Variants in GEMIN2 observed in about 807,000 individuals in gnomAD.
GEMIN2 encodes gem nuclear organelle associated protein 2.
GEMIN2 carries 37 observed loss-of-function variants against 45.8 expected under a neutral mutation model. The ratio of observed to expected loss-of-function variants is 0.81; its 90% CI spans 0.62 to 1.06. The LOEUF is 1.06. Among genes scored for constraint, GEMIN2 ranks in the 50% least tolerant of loss-of-function variants. The pLI, the probability that GEMIN2 is intolerant of heterozygous loss-of-function variation, is 0.00. For synonymous variants in GEMIN2, 101 were observed against 111.5 expected, an observed-to-expected ratio of 0.91 and a Z score of 0.60; for missense variants, 335 against 321.8, an observed-to-expected ratio of 1.04 and a Z score of -0.31.
At chr14:39,117,962 T>C in intron 2 of GEMIN2, 37 bp from the exon 3 acceptor site, 1 of 1,068,320 alleles carries the variant, frequency 9.4e-7, no homozygotes, top group Non-Finnish European at 1.4e-6. Flanking sequence ...GTTTTGACAC[T>C]AATGTTGATC....
At chr14:39,133,253 TAATA>T (rs897485355) in intron 8 of GEMIN2, among the ~76,000 whole-genome samples, 5 of 146,340 alleles carry the variant, frequency 3.4e-5, no homozygotes, top group Non-Finnish European at 6.0e-5. Flanking sequence ...ATATGTATAT[TAATA>T]TATATTTATT....
rs17108841 is a variant in GEMIN2 at position 39,133,451 on chromosome 14, A to C, written c.712-210A>C. ...TCTTTATTTTTTTTTCCCTATTCAG[A>C]ATCTTTATTTAAAAGATAGTCTTAG... On this transcript the variant is annotated intron_variant, in intron 8 of 9. Transcript: ENST00000308317. 0.015 allele frequency among the ~76,000 whole-genome samples: 2,220 copies of C among 150,588 alleles called. 57 individuals are homozygous for C. The highest frequency in any genetic ancestry group is 0.051 in the African/African-American group (2,094 of 41,164).
intron 3 of GEMIN2, 98 bp from the exon 4 acceptor site, chr14:39,118,442 T>A: frequency 1.4e-6 from 1 of 710,274 alleles, no homozygotes; most frequent in Admixed American, 2.0e-5. Context: ...CCTTTCCCAT[T>A]TTTCAAGTTT....
intron 5 of GEMIN2, among the ~76,000 whole-genome samples, chr14:39,123,700 A>AT (rs2052603954): frequency 2.3e-5 from 1 of 43,788 alleles, no homozygotes; most frequent in Non-Finnish European, 4.7e-5. Context: ...ATATATATAT[A>AT]TATATATATT....
chr14:39,132,765 G>A (rs1169951862), intron 8 of GEMIN2, among the ~76,000 whole-genome samples: 4 of 135,564 alleles, frequency 3.0e-5, no homozygotes, highest in Middle Eastern at 4.7e-3. Flanking sequence ...TGCAACCTCC[G>A]CTTCCCAGGT....
intron 7 of GEMIN2, among the ~76,000 whole-genome samples, chr14:39,129,415 AT>A: frequency 6.6e-6 from 1 of 151,786 alleles, no homozygotes; most frequent in African/African-American, 2.4e-5. Context: ...TTTATTTTTT[AT>A]TTATTTGTTT....
intron 3 of GEMIN2, 114 bp downstream of exon 3, chr14:39,118,202 A>G (rs745705451): frequency 5.9e-6 from 3 of 508,596 alleles, no homozygotes; most frequent in Non-Finnish European, 1.0e-5. Context: ...TCATGAATTA[A>G]TTACCAAATT....
Position 39,114,395 on chromosome 14 carries a change from G to T in GEMIN2, c.57G>T (p.Pro19=), listed in dbSNP as rs145062289. 3 of 1,613,900 alleles carry T rather than the reference G, an allele frequency of 1.9e-6. No individual in the cohort carries two copies. The highest frequency in any genetic ancestry group is 1.7e-5 in the Admixed American group (1 of 60,018). ...AAGAGTTGATGCCTCGGCTATTGCCGGTAGAGCCTTGCGACTTGACGGAAG... is the reference window on the plus strand; with the variant it reads ...AAGAGTTGATGCCTCGGCTATTGCCTGTAGAGCCTTGCGACTTGACGGAAG... ...AVEELMPRLL[P]VEPCDLTEGF... is the part of the protein sequence containing the mutation. Residue 19 remains proline (P), a synonymous_variant, in exon 1 of 10, where the codon CCG becomes CCT. Coordinates refer to ENST00000308317, the MANE Select transcript of GEMIN2 (RefSeq NM_003616.3).
intron 7 of GEMIN2, 181 bp from the exon 8 acceptor site, chr14:39,131,777 G>A: frequency 2.0e-6 from 1 of 501,440 alleles, no homozygotes; most frequent in Admixed American, 3.7e-5. Flanking sequence ...GTAATTATAG[G>A]ATACAAGAGA....
chr14:39,128,227 T>C, intron 6 of GEMIN2, 53 bp from the exon 7 acceptor site: 2 of 969,874 alleles, frequency 2.1e-6, no homozygotes, highest in Non-Finnish European at 3.2e-6. Flanking sequence ...TCATGTTGAA[T>C]TCATGTTTTA....
intron 9 of GEMIN2, 69 bp from the exon 10 acceptor site, chr14:39,136,371 C>T (rs1419096060): frequency 1.2e-6 from 1 of 820,066 alleles, no homozygotes; most frequent in East Asian, 2.5e-5. Flanking sequence ...TGCTTATGGT[C>T]TTTGGCTATT....
rs2052675889 is a variant in GEMIN2 at position 39,128,493 on chromosome 14, T to C, written c.600+145T>C. 4 of 473,518 alleles carry C rather than the reference T, an allele frequency of 8.4e-6. No individual in the cohort carries two copies. In the East Asian group the frequency reaches 1.1e-4, roughly 13 times the overall value. 29.3% of individuals were successfully genotyped at this position (473,518 alleles called of 1,614,324 possible). A position where few individuals can be genotyped will look rare whatever the true frequency, so the allele number is the denominator to read the frequency against. ...TTTTCTTTTTTTCTTTTCTTTTTTT[T>C]TTTTTTTTTTTTTTTGAGACAAGGT... On this transcript the variant is annotated intron_variant, in intron 7 of 9. Transcript: ENST00000308317.
intron 9 of GEMIN2, among the ~76,000 whole-genome samples, chr14:39,135,124 TCTGA>T (rs144203410): frequency 0.062 from 9,484 of 152,264 alleles, 533 homozygotes; most frequent in East Asian, 0.31. Context: ...AAGTATAGTT[TCTGA>T]CTGCCTCAGT....
At chr14:39,127,333 A>ATTTT (rs2052656373) in intron 6 of GEMIN2, among the ~76,000 whole-genome samples, 1 of 81,918 alleles carries the variant, frequency 1.2e-5, no homozygotes, top group Non-Finnish European at 2.5e-5. Context: ...CAGGTGTGCC[A>ATTTT]TTGTTTTTTT....
intron 7 of GEMIN2, among the ~76,000 whole-genome samples, chr14:39,129,623 G>T (rs2052689182): frequency 6.6e-6 from 1 of 152,058 alleles, no homozygotes; most frequent in Non-Finnish European, 1.5e-5. Context: ...ATGTTGGCCA[G>T]ACTGGTCTTG....
chr14:39,128,400 G>A, intron 7 of GEMIN2, 52 bp downstream of exon 7: 1 of 933,508 alleles, frequency 1.1e-6, no homozygotes, highest in Non-Finnish European at 1.7e-6. Context: ...TAGACGTTTT[G>A]GGTCAACTGT....
chr14:39,128,361 GT>G lies in GEMIN2; in HGVS notation c.600+18del. On this transcript the variant is annotated intron_variant, in intron 7 of 9. Coordinates refer to ENST00000308317, the MANE Select transcript of GEMIN2 (RefSeq NM_003616.3). ...TACTCCAGAATTGGTAGTATTGCAT[GT>G]TTTTCTTTTCATAATGTAGGCAAAA... is the stretch of plus-strand genomic sequence containing the variant. 6.8e-7 allele frequency: 1 copy of G among 1,478,530 alleles called. No homozygotes were observed. Among genetic ancestry groups the G allele is most frequent in the Non-Finnish European group, 9.4e-7 (1 of 1,067,658 alleles). 91.6% of individuals were successfully genotyped at this position (1,478,530 alleles called of 1,614,324 possible). A position where few individuals can be genotyped will look rare whatever the true frequency, so the allele number is the denominator to read the frequency against.
At chr14:39,119,424 G>T (rs1000330499) in intron 4 of GEMIN2, among the ~76,000 whole-genome samples, 3 of 152,132 alleles carry the variant, frequency 2.0e-5, no homozygotes, top group African/African-American at 7.2e-5. Context: ...CCCTTTAGTA[G>T]ATATATCAGG....
intron 7 of GEMIN2, among the ~76,000 whole-genome samples, chr14:39,128,827 C>T (rs550942168): frequency 1.3e-5 from 2 of 151,974 alleles, no homozygotes; most frequent in African/African-American, 2.4e-5. Context: ...TAAATAGAGA[C>T]GAGGTCTCAC....
Sources: allele counts gnomAD v4.1 joint callset (sites outside exome capture counted in the v4.1 genomes callset), GRCh38; gene constraint gnomAD v4.1.1; transcripts MANE v1.5; gene names NCBI Gene and HGNC (gene_info 2026-07-23, HGNC 2026-07-21).